SLC12A7: variants seen among roughly 807,000 people sequenced by gnomAD.
SLC12A7 encodes the protein K-Cl cotransporter 4.
In SLC12A7, 100 loss-of-function variants were observed where a neutral mutation model predicts 120.6. The observed-to-expected ratio is 0.83, with a 90% CI of 0.71 to 0.98. The LOEUF is 0.98. Among genes scored for constraint, SLC12A7 ranks in the 50% least tolerant of loss-of-function variants. The probability of loss-of-function intolerance (pLI) is 0.00; values close to 1 mark genes in which losing one functional copy is unlikely to be tolerated. For missense variants in SLC12A7, 1,373 were observed against 1,548.1 expected (o/e 0.89, Z 1.90); for synonymous variants, 760 against 678.0 (o/e 1.12, Z -1.88).
At chr5:1,077,691 C>T in intron 12 of SLC12A7, 142 bp downstream of exon 12, 2 of 852,100 alleles carry the variant, frequency 2.3e-6, no homozygotes, top group East Asian at 2.9e-5. Flanking sequence ...ATGCTCTGTG[C>T]AGTGGCCAGG....
chr5:1,127,482 C>T, the SLC12A7 span, among the ~76,000 whole-genome samples: 4 of 152,238 alleles, frequency 2.6e-5, no homozygotes, highest in Non-Finnish European at 4.4e-5. Flanking sequence ...CTCCGGAGGG[C>T]GTGCAGCCCT....
At chr5:1,104,553 C>T (rs1231049882) in intron 1 of SLC12A7, among the ~76,000 whole-genome samples, 1 of 152,194 alleles carries the variant, frequency 6.6e-6, no homozygotes, top group East Asian at 1.9e-4. Flanking sequence ...CCCCAAACTT[C>T]CCAGAGCCAC....
intron 16 of SLC12A7, 40 bp from the exon 17 acceptor site, chr5:1,073,841 T>C (rs770624841): frequency 5.1e-6 from 7 of 1,367,432 alleles, no homozygotes; most frequent in Non-Finnish European, 6.6e-6. Flanking sequence ...CGGCAACGCT[T>C]ACCAGGGCAC....
In SLC12A7 at chr5:1,052,275, G is replaced by T; in HGVS notation, c.*85C>A. On this transcript the variant is annotated 3_prime_UTR_variant, in exon 24 of 24. Coordinates refer to ENST00000264930, the MANE Select transcript of SLC12A7 (RefSeq NM_006598.3). ...TCACTGGGGGACAGGTGTGTCTGCC[G>T]TCTGTTTCCCTGGGCCAAGCCCAGG... is the stretch of plus-strand genomic sequence containing the variant. 1.7e-6 allele frequency: 2 copies of T among 1,150,542 alleles called. No individual in the cohort carries two copies. The highest frequency in any genetic ancestry group is 2.6e-6 in the Non-Finnish European group (2 of 761,962). 71.3% of individuals were successfully genotyped at this position (1,150,542 alleles called of 1,614,324 possible). A position where few individuals can be genotyped will look rare whatever the true frequency, so the allele number is the denominator to read the frequency against.
chr5:1,053,524 C>G (rs1561023090), intron 22 of SLC12A7, 42 bp from the exon 23 acceptor site: 1 of 1,602,678 alleles, frequency 6.2e-7, no homozygotes, highest in Non-Finnish European at 8.5e-7. Context: ...GCGGGTGCAC[C>G]CCACGCTCCG....
At chr5:1,137,279 G>A in the SLC12A7 span, among the ~76,000 whole-genome samples, 33 of 152,074 alleles carry the variant, frequency 2.2e-4, no homozygotes, top group Non-Finnish European at 3.7e-4. Flanking sequence ...CACTTCCTGC[G>A]TAGCCCCCTC....
At chr5:1,105,072 C>T (rs1742386682) in intron 1 of SLC12A7, among the ~76,000 whole-genome samples, 1 of 151,170 alleles carries the variant, frequency 6.6e-6, no homozygotes, top group Non-Finnish European at 1.5e-5. Flanking sequence ...GAGGAGCCTC[C>T]CCGCAGGGAT....
the SLC12A7 span, among the ~76,000 whole-genome samples, chr5:1,118,343 G>T: frequency 1.3e-5 from 2 of 152,242 alleles, no homozygotes; most frequent in Admixed American, 1.3e-4. Context: ...ACATGAGGGG[G>T]AGTCCATGGG....
chr5:1,064,782 TGAGGGGACAGC>T (rs1736766469), intron 18 of SLC12A7, among the ~76,000 whole-genome samples: 2 of 86,226 alleles, frequency 2.3e-5, no homozygotes, highest in Non-Finnish European at 4.5e-5. Flanking sequence ...AAGGGGACGG[TGAGGGGACAGC>T]GAGGAGACGG....
At position 1,076,873 on chromosome 5, in the gene SLC12A7, C is replaced by T. The variant is rs1401371370; in HGVS notation, c.1630-61G>A. 3.5e-6 allele frequency: 4 copies of T among 1,146,142 alleles called. No homozygotes were observed. In the South Asian group the frequency reaches 3.7e-5, roughly 11 times the overall value. 71.0% of individuals were successfully genotyped at this position (1,146,142 alleles called of 1,614,324 possible). On this transcript the variant is annotated intron_variant, in intron 12 of 23. Transcript: ENST00000264930. ...CACCACCCTTTTAGGAGAGAAGCTG[C>T]AGGCTGGTCAGGTCTAGCCCAGATG...
intron 1 of SLC12A7, among the ~76,000 whole-genome samples, chr5:1,097,891 C>A (rs1239834508): frequency 6.6e-6 from 1 of 152,012 alleles, no homozygotes. Flanking sequence ...ACGGAGGCCA[C>A]AGCAAGCGTG....
intron 22 of SLC12A7, among the ~76,000 whole-genome samples, chr5:1,054,942 G>A (rs1735452685): frequency 6.6e-6 from 1 of 152,180 alleles, no homozygotes; most frequent in African/African-American, 2.4e-5. Context: ...GTGTGTTTGG[G>A]GACAAAGAGC....
intron 10 of SLC12A7, among the ~76,000 whole-genome samples, 185 bp from the exon 11 acceptor site, chr5:1,078,943 G>A (rs1052769084): frequency 1.3e-5 from 2 of 152,082 alleles, no homozygotes; most frequent in South Asian, 2.1e-4. Flanking sequence ...TGTCCTCAGC[G>A]CACCCTCCTG....
At chr5:1,133,365 T>C in the SLC12A7 span, among the ~76,000 whole-genome samples, 2 of 152,128 alleles carry the variant, frequency 1.3e-5, no homozygotes. Flanking sequence ...TTGAATCCCG[T>C]CAGCCCCACC....
intron 20 of SLC12A7, among the ~76,000 whole-genome samples, chr5:1,063,205 C>T (rs1203640471): frequency 1.3e-5 from 2 of 152,222 alleles, no homozygotes; most frequent in East Asian, 1.9e-4. Context: ...CTATAGCTGA[C>T]CGAGGGCCTG....
the SLC12A7 span, among the ~76,000 whole-genome samples, chr5:1,132,286 G>A: frequency 9.2e-5 from 14 of 152,264 alleles, no homozygotes; most frequent in African/African-American, 3.4e-4. Context: ...AAGGGGAGGA[G>A]CCCACAGTTC....
the SLC12A7 span, among the ~76,000 whole-genome samples, chr5:1,147,708 T>G: frequency 6.6e-6 from 1 of 152,226 alleles, no homozygotes; most frequent in Admixed American, 6.5e-5. Flanking sequence ...ATGTACTGAT[T>G]TATGCCTTTG....
chr5:1,052,991 G>A (rs965796123), intron 23 of SLC12A7, among the ~76,000 whole-genome samples: 9 of 152,240 alleles, frequency 5.9e-5, no homozygotes, highest in African/African-American at 1.2e-4. Context: ...ACCTCCCACC[G>A]TTGTCGGCGC....
intron 17 of SLC12A7, among the ~76,000 whole-genome samples, chr5:1,067,553 A>G (rs1488700350): frequency 6.6e-6 from 1 of 152,212 alleles, no homozygotes; most frequent in Non-Finnish European, 1.5e-5. Flanking sequence ...GCTGTTCAGG[A>G]TCAGCCAAGT....
Sources: gnomAD v4.1 joint callset for allele counts (sites outside exome capture counted in the v4.1 genomes callset) on GRCh38, gnomAD v4.1.1 for gene constraint, MANE v1.5 for transcripts, NCBI Gene and HGNC (gene_info 2026-07-23, HGNC 2026-07-21) for gene names.